The following CLEC16A variants were observed in gnomAD, a reference collection of about 807,000 sequenced individuals.
CLEC16A encodes the protein protein CLEC16A.
CLEC16A carries 51 observed loss-of-function variants against 109.5 expected under a neutral mutation model. The observed-to-expected ratio is 0.47, with a 90% CI of 0.37 to 0.59. The LOEUF is 0.59. Among genes scored for constraint, CLEC16A ranks in the 20% least tolerant of loss-of-function variants. The probability of loss-of-function intolerance (pLI) is 0.00; values close to 1 mark genes in which losing one functional copy is unlikely to be tolerated. For synonymous variants in CLEC16A, 673 were observed against 564.2 expected (o/e 1.19, Z -2.73); for missense variants, 1,339 against 1,394.0 (o/e 0.96, Z 0.63).
chr16:11,154,058 G>A (rs1289959429), intron 22 of CLEC16A, among the ~76,000 whole-genome samples: 1 of 152,186 alleles, frequency 6.6e-6, no homozygotes, highest in Non-Finnish European at 1.5e-5. Context: ...CTGGAGAGAG[G>A]AACACACACA....
chr16:11,027,516 A>G (rs563838118), intron 13 of CLEC16A: 9 of 1,579,628 alleles, frequency 5.7e-6, no homozygotes, highest in Non-Finnish European at 7.7e-6. Flanking sequence ...GAGTAAGACC[A>G]TCCCTCTGAC....
At chr16:10,962,682 C>A in intron 3 of CLEC16A, 94 bp downstream of exon 3, 1 of 1,338,906 alleles carries the variant, frequency 7.5e-7, no homozygotes, top group Non-Finnish European at 1.0e-6. Flanking sequence ...TACTATTCGT[C>A]GGCTCAGGCT....
chr16:11,135,490 G>T (rs572855231), intron 22 of CLEC16A, among the ~76,000 whole-genome samples: 1 of 152,324 alleles, frequency 6.6e-6, no homozygotes, highest in South Asian at 2.1e-4. Flanking sequence ...ATCTTGCCCA[G>T]ATGCTTTTCT....
intron 22 of CLEC16A, among the ~76,000 whole-genome samples, chr16:11,137,079 GA>G (rs2053602297): frequency 6.6e-6 from 1 of 152,196 alleles, no homozygotes; most frequent in Non-Finnish European, 1.5e-5. Flanking sequence ...TGTGAACCAA[GA>G]GTACAGAAGT....
intron 3 of CLEC16A, among the ~76,000 whole-genome samples, chr16:10,966,059 C>T (rs1053873538): frequency 1.6e-4 from 24 of 152,190 alleles, no homozygotes; most frequent in African/African-American, 5.3e-4. Flanking sequence ...ACTTCTCCCC[C>T]AGCAAGAGCC....
At chr16:11,117,452 A>G (rs1251394061) in intron 19 of CLEC16A, among the ~76,000 whole-genome samples, 1 of 152,176 alleles carries the variant, frequency 6.6e-6, no homozygotes, top group Admixed American at 6.5e-5. Flanking sequence ...AAACATACAA[A>G]ACTCTTGGTA....
intron 22 of CLEC16A, among the ~76,000 whole-genome samples, chr16:11,133,402 C>T (rs1024973297): frequency 2.6e-5 from 4 of 151,910 alleles, no homozygotes; most frequent in East Asian, 1.9e-4. Context: ...TGCTTTTCAC[C>T]GGTGTTATCT....
At chr16:11,125,927 C>A in intron 21 of CLEC16A, 52 bp from the exon 22 acceptor site, 3 of 555,778 alleles carry the variant, frequency 5.4e-6, no homozygotes, top group African/African-American at 2.1e-5. Context: ...ATTCTCACCA[C>A]CCCCCTCTAT....
intron 19 of CLEC16A, among the ~76,000 whole-genome samples, chr16:11,080,298 G>T (rs955617645): frequency 6.6e-6 from 1 of 152,378 alleles, no homozygotes; most frequent in African/African-American, 2.4e-5. Flanking sequence ...GGAAACTGCA[G>T]GATCAAGAAG....
In CLEC16A at chr16:11,141,343, C is replaced by A. The variant is rs531596143; in HGVS notation, c.2641+15197C>A. On this transcript the variant is annotated intron_variant, in intron 22 of 23. Transcript: ENST00000409790. ...GTGCCTCCTGCAACCCGTCCTAGGCCCCCGTGCAGAGGACAGCTCACTCAC... is the reference window on the plus strand; with the variant it reads ...GTGCCTCCTGCAACCCGTCCTAGGCACCCGTGCAGAGGACAGCTCACTCAC... Among the ~76,000 whole-genome samples, 6 of 152,338 alleles carry A rather than the reference C, an allele frequency of 3.9e-5. No individual in the cohort carries two copies. The South Asian group carries it at 1.2e-3, about 32-fold the overall frequency.
chr16:11,052,623 C>G (rs903503165), intron 18 of CLEC16A, among the ~76,000 whole-genome samples: 9 of 152,182 alleles, frequency 5.9e-5, no homozygotes, highest in Non-Finnish European at 1.3e-4. Flanking sequence ...GCCTTCCTTC[C>G]ATGTCCTCCC....
intron 22 of CLEC16A, among the ~76,000 whole-genome samples, chr16:11,139,967 T>C (rs550682761): frequency 6.2e-4 from 94 of 152,348 alleles, no homozygotes; most frequent in African/African-American, 2.1e-3. Flanking sequence ...AAGTTATTAG[T>C]CCTACTTTTA....
intron 3 of CLEC16A, among the ~76,000 whole-genome samples, chr16:10,968,619 G>A (rs2042628629): frequency 6.6e-6 from 1 of 152,200 alleles, no homozygotes. Flanking sequence ...TGGGAAGAAT[G>A]AGCAGGATCA....
In CLEC16A at chr16:11,137,189, G is replaced by GTT. The variant is rs72530752; in HGVS notation, c.2641+11050_2641+11051dup. The stretch of plus-strand genomic sequence containing the variant: ...AACATCCTAAGCCTTTTCTGTTGGT[G>GTT]TTTTTTTTCTTTGCTTCTGAATCAT... On this transcript the variant is annotated intron_variant, in intron 22 of 23. Coordinates refer to ENST00000409790, the MANE Select transcript of CLEC16A (RefSeq NM_015226.3). Among the ~76,000 whole-genome samples, 7 of 151,848 alleles carry GTT rather than the reference G, an allele frequency of 4.6e-5. No homozygotes were observed. In the East Asian group the frequency reaches 5.8e-4, roughly 13 times the overall value.
chr16:11,019,164 GA>G, intron 11 of CLEC16A, among the ~76,000 whole-genome samples: 1 of 152,242 alleles, frequency 6.6e-6, no homozygotes, highest in South Asian at 2.1e-4. Flanking sequence ...CGAAGGTGGG[GA>G]AAAAGATGTG....
intron 15 of CLEC16A, among the ~76,000 whole-genome samples, chr16:11,042,730 A>G (rs1340933253): frequency 6.6e-6 from 1 of 152,132 alleles, no homozygotes; most frequent in Non-Finnish European, 1.5e-5. Context: ...TTTAAAATAT[A>G]TGTTAAATTT....
chr16:11,033,024 C>G (rs2046832371), intron 13 of CLEC16A, among the ~76,000 whole-genome samples: 1 of 152,018 alleles, frequency 6.6e-6, no homozygotes, highest in African/African-American at 2.4e-5. Flanking sequence ...CACCGAGAGA[C>G]TTGCTAAGAA....
intron 23 of CLEC16A, among the ~76,000 whole-genome samples, chr16:11,172,234 T>A (rs1486621866): frequency 1.3e-5 from 2 of 151,880 alleles, no homozygotes; most frequent in African/African-American, 2.4e-5. Context: ...ATGCACACAC[T>A]CATACAGTCA....
chr16:11,086,225 G>C (rs28725341), intron 19 of CLEC16A, among the ~76,000 whole-genome samples: 1,994 of 152,282 alleles, frequency 0.013, 30 homozygotes, highest in African/African-American at 0.045. Context: ...CTCATGCCCT[G>C]GGCTGACAGT....
Sources: gnomAD v4.1 joint callset for allele counts (sites outside exome capture counted in the v4.1 genomes callset) on GRCh38, gnomAD v4.1.1 for gene constraint, MANE v1.5 for transcripts, NCBI Gene and HGNC (gene_info 2026-07-23, HGNC 2026-07-21) for gene names.